The following TTBK2 variants were observed in gnomAD, a reference collection of about 807,000 sequenced individuals.
TTBK2 encodes the protein tau tubulin kinase 2.
In TTBK2, 28 loss-of-function variants were observed where a neutral mutation model predicts 110.8. The ratio of observed to expected loss-of-function variants is 0.25; its 90% CI spans 0.19 to 0.35. The LOEUF (loss-of-function observed/expected upper bound fraction) is 0.35, where lower values mean the gene tolerates loss of function less well. Ranked by LOEUF, TTBK2 falls within the 10% of genes least tolerant of loss-of-function variation. The pLI, the probability that TTBK2 is intolerant of heterozygous loss-of-function variation, is 1.00. For synonymous variants in TTBK2, 532 were observed against 527.3 expected (o/e 1.01, Z -0.12); for missense variants, 1,369 against 1,500.3 (o/e 0.91, Z 1.45).
In TTBK2 at chr15:42,743,814, A is replaced by C. The variant is rs1172086862; in HGVS notation, c.*1981T>G. 1 of 152,230 alleles carries C rather than the reference A, an allele frequency of 6.6e-6. No homozygotes were observed. The highest frequency in any genetic ancestry group is 1.5e-5 in the Non-Finnish European group (1 of 68,034). The allele number at this position is 152,230 out of a possible 1,614,324, so 9.4% of individuals were successfully genotyped here. A position where few individuals can be genotyped will look rare whatever the true frequency, so the allele number is the denominator to read the frequency against. Reference sequence around the variant, plus strand: ...TGCATTGTACACAGGGAAGGCAAGAAGACTCTGAGGTGTCACATGCCAAGA... The same window carrying C: ...TGCATTGTACACAGGGAAGGCAAGACGACTCTGAGGTGTCACATGCCAAGA... On this transcript the variant is annotated 3_prime_UTR_variant, in exon 15 of 15. Transcript: ENST00000267890.
intron 9 of TTBK2, among the ~76,000 whole-genome samples, chr15:42,799,184 G>A (rs1439612841): frequency 3.3e-5 from 5 of 151,932 alleles, no homozygotes; most frequent in Non-Finnish European, 1.5e-5. Flanking sequence ...CCTCACTAAC[G>A]TGGTGAAACC....
At chr15:42,775,971 A>G (rs1889903957) in intron 12 of TTBK2, among the ~76,000 whole-genome samples, 1 of 152,132 alleles carries the variant, frequency 6.6e-6, no homozygotes, top group African/African-American at 2.4e-5. Flanking sequence ...CCAACTTTTT[A>G]TTGAACTGAG....
intron 1 of TTBK2, among the ~76,000 whole-genome samples, chr15:42,892,803 A>T (rs1044030648): frequency 6.6e-6 from 1 of 150,594 alleles, no homozygotes; most frequent in Non-Finnish European, 1.5e-5. Context: ...TGAGGTCAGG[A>T]GTTCAAGACC....
At chr15:42,874,753 C>A (rs1000435987) in intron 2 of TTBK2, among the ~76,000 whole-genome samples, 44 of 150,562 alleles carry the variant, frequency 2.9e-4, no homozygotes, top group African/African-American at 1.0e-3. Context: ...TTTGGGAGGC[C>A]GAGGCGGGCG....
At position 42,878,695 on chromosome 15, in the gene TTBK2, A is replaced by G; in HGVS notation, c.-67-11T>C. The G allele has an allele frequency of 6.2e-7, 1 of 1,610,804 alleles. No individual in the cohort carries two copies. The highest frequency in any genetic ancestry group is 8.5e-7 in the Non-Finnish European group (1 of 1,178,970). On this transcript the variant is annotated splice_polypyrimidine_tract_variant and intron_variant, in intron 1 of 14. Transcript: ENST00000267890. ...TGGTTTCCATTTAACCTAAAACAAC[A>G]ACAACAAAAAATAGTAGCAGTATTT...
intron 3 of TTBK2, among the ~76,000 whole-genome samples, chr15:42,849,956 T>G (rs1893628501): frequency 6.6e-6 from 1 of 152,108 alleles, no homozygotes; most frequent in Admixed American, 6.5e-5. Context: ...ACTCTGGGGC[T>G]TTACTAACAC....
At chr15:42,763,121 CAT>C (rs1191445554) in intron 13 of TTBK2, among the ~76,000 whole-genome samples, 6 of 86,328 alleles carry the variant, frequency 7.0e-5, no homozygotes, top group Non-Finnish European at 1.2e-4. Context: ...TATATATACA[CAT>C]ATATATACAT....
chr15:42,751,881 G>T (rs2061870164), intron 14 of TTBK2, 93 bp downstream of exon 14: 1 of 1,446,216 alleles, frequency 6.9e-7, no homozygotes, highest in Non-Finnish European at 9.7e-7. Flanking sequence ...CTGAGAAGGG[G>T]GCAACACAGA....
intron 11 of TTBK2, among the ~76,000 whole-genome samples, chr15:42,778,226 T>C (rs938851518): frequency 1.3e-5 from 2 of 149,584 alleles, no homozygotes; most frequent in African/African-American, 2.5e-5. Context: ...AAGGGTTATT[T>C]GGAATTAAAT....
intron 13 of TTBK2, among the ~76,000 whole-genome samples, chr15:42,765,256 G>A (rs897195334): frequency 6.6e-5 from 10 of 152,350 alleles, no homozygotes; most frequent in African/African-American, 9.6e-5. Flanking sequence ...AAAGCTGGAC[G>A]GAGAATGAAT....
chr15:42,849,324 G>A (rs1446257516), intron 3 of TTBK2, among the ~76,000 whole-genome samples: 5 of 152,020 alleles, frequency 3.3e-5, no homozygotes, highest in African/African-American at 1.2e-4. Flanking sequence ...CCATTTAGTT[G>A]TTCTTTATAT....
intron 13 of TTBK2, among the ~76,000 whole-genome samples, chr15:42,756,199 T>G (rs556613155): frequency 6.6e-6 from 1 of 151,614 alleles, no homozygotes; most frequent in South Asian, 2.1e-4. Flanking sequence ...TGCTGGACCC[T>G]GTCTGAAAAA....
intron 13 of TTBK2, among the ~76,000 whole-genome samples, chr15:42,770,073 T>A (rs532871326): frequency 1.6e-5 from 2 of 123,004 alleles, no homozygotes; most frequent in Non-Finnish European, 3.2e-5. Flanking sequence ...GGACACAGGG[T>A]GGGGAACATC....
intron 9 of TTBK2, among the ~76,000 whole-genome samples, chr15:42,796,038 C>T (rs1595918927): frequency 6.6e-6 from 1 of 152,098 alleles, no homozygotes; most frequent in Non-Finnish European, 1.5e-5. Context: ...AGTGCAGTGA[C>T]ATGGAAAGCA....
At chr15:42,878,766 C>G in intron 1 of TTBK2, 82 bp from the exon 2 acceptor site, 1 of 1,493,350 alleles carries the variant, frequency 6.7e-7, no homozygotes, top group South Asian at 1.2e-5. Context: ...TCAGGAAGCA[C>G]TACTAATACT....
In TTBK2 at chr15:42,794,783, C is replaced by G; in HGVS notation, c.841G>C (p.Asp281His). 5.6e-6 allele frequency: 9 copies of G among 1,613,996 alleles called. No individual in the cohort carries two copies. Among genetic ancestry groups the G allele is most frequent in the Non-Finnish European group, 7.6e-6 (9 of 1,180,006 alleles). ...PDYQLLTSVFDNSIKTFGVIE... is the reference protein window; with the variant it reads ...PDYQLLTSVFHNSIKTFGVIE... ...ACTCCAAAAGTCTTGATGCTATTGT[C>G]AAACACGGATGTAAGAAGCTAAACC... Residue 281 changes from aspartate to histidine, a missense_variant, in exon 10 of 15, where the codon GAC becomes CAC. Coordinates refer to ENST00000267890, the MANE Select transcript of TTBK2 (RefSeq NM_173500.4).
At chr15:42,834,954 A>G (rs931135913) in intron 4 of TTBK2, among the ~76,000 whole-genome samples, 1 of 152,218 alleles carries the variant, frequency 6.6e-6, no homozygotes, top group African/African-American at 2.4e-5. Context: ...ATATAGTTAT[A>G]TATTTATTAT....
At chr15:42,876,036 C>T (rs987862609) in intron 2 of TTBK2, among the ~76,000 whole-genome samples, 1 of 151,632 alleles carries the variant, frequency 6.6e-6, no homozygotes, top group African/African-American at 2.4e-5. Context: ...CCTCAAGATA[C>T]CGGACAAGTG....
chr15:42,800,909 G>A (rs1595924163), intron 9 of TTBK2: 4 of 673,584 alleles, frequency 5.9e-6, no homozygotes, highest in Admixed American at 4.5e-5. Flanking sequence ...CCTGCACAGT[G>A]GCCTCCCTCC....
Sources: allele counts gnomAD v4.1 joint callset (sites outside exome capture counted in the v4.1 genomes callset), GRCh38; gene constraint gnomAD v4.1.1; transcripts MANE v1.5; gene names NCBI Gene and HGNC (gene_info 2026-07-23, HGNC 2026-07-21).